The following EEFSEC variants were observed in gnomAD, a reference collection of about 807,000 sequenced individuals.
EEFSEC encodes the protein eukaryotic elongation factor, selenocysteine-tRNA specific.
In EEFSEC, 43 loss-of-function variants were observed where a neutral mutation model predicts 42.1. The observed-to-expected ratio is 1.02, with a 90% CI of 0.80 to 1.32. The LOEUF is 1.32. Ranked by LOEUF, EEFSEC falls within the 40% of genes most tolerant of loss-of-function variation. EEFSEC has a pLI of 0.00. For synonymous variants in EEFSEC, 354 were observed against 339.1 expected (o/e 1.04, Z -0.48); for missense variants, 745 against 803.6 (o/e 0.93, Z 0.88).
chr3:128,384,544 C>G (rs2067814950), intron 6 of EEFSEC, among the ~76,000 whole-genome samples: 1 of 152,198 alleles, frequency 6.6e-6, no homozygotes, highest in South Asian at 2.1e-4. Flanking sequence ...AGGCGGGCAC[C>G]CGTCTCTCCC....
intron 6 of EEFSEC, among the ~76,000 whole-genome samples, chr3:128,383,719 C>T (rs1434598339): frequency 6.6e-6 from 1 of 152,222 alleles, no homozygotes; most frequent in Non-Finnish European, 1.5e-5. Flanking sequence ...GGCCCTGAGT[C>T]AGAGGTGCTG....
At chr3:128,262,312 AG>A in intron 3 of EEFSEC, 88 bp downstream of exon 3, 1 of 1,226,484 alleles carries the variant, frequency 8.2e-7, no homozygotes, top group South Asian at 1.3e-5. Flanking sequence ...TGAGAGAGAA[AG>A]AGAGGCAGCC....
chr3:128,175,117 C>T, intron 1 of EEFSEC, among the ~76,000 whole-genome samples: 1 of 151,794 alleles, frequency 6.6e-6, no homozygotes, highest in East Asian at 1.9e-4. Context: ...CTCTACTCCT[C>T]CTCCCTTCTC....
At chr3:128,207,652 A>G (rs1467473764) in intron 1 of EEFSEC, among the ~76,000 whole-genome samples, 1 of 151,720 alleles carries the variant, frequency 6.6e-6, no homozygotes, top group African/African-American at 2.4e-5. Context: ...TTTTGACTTA[A>G]TGTTTTTGTT....
rs114582287 is a variant in EEFSEC, at chr3:128,301,380, A to G, written c.786+36599A>G. Among the ~76,000 whole-genome samples, 851 of 152,266 alleles carry G rather than the reference A, an allele frequency of 5.6e-3. 10 individuals carry two copies. The highest frequency in any genetic ancestry group is 0.019 in the African/African-American group (776 of 41,536). On this transcript the variant is annotated intron_variant, in intron 4 of 6. Transcript: ENST00000254730. ...CTCACTTCCCCTGTGAAGCCTGATC[A>G]TGCCTAGGCTGTGAACCTCTCCTGG...
At chr3:128,397,412 C>T (rs1435121171) in intron 6 of EEFSEC, among the ~76,000 whole-genome samples, 1 of 152,224 alleles carries the variant, frequency 6.6e-6, no homozygotes, top group Non-Finnish European at 1.5e-5. Context: ...GTAGGATGTC[C>T]TGAGGCTGGA....
chr3:128,191,022 C>A (rs1368071654), intron 1 of EEFSEC, among the ~76,000 whole-genome samples: 2 of 152,130 alleles, frequency 1.3e-5, no homozygotes, highest in East Asian at 3.9e-4. Flanking sequence ...TTTCACACAA[C>A]CTAGGTGTGT....
the EEFSEC span, among the ~76,000 whole-genome samples, chr3:128,418,070 C>G: frequency 2.0e-5 from 3 of 152,086 alleles, no homozygotes; most frequent in Non-Finnish European, 4.4e-5. Flanking sequence ...ATTCTGGACT[C>G]TAGGATGTGG....
chr3:128,288,376 T>C (rs2066608420), intron 4 of EEFSEC, among the ~76,000 whole-genome samples: 1 of 152,178 alleles, frequency 6.6e-6, no homozygotes, highest in Non-Finnish European at 1.5e-5. Context: ...ATAAAGAATA[T>C]ATAAATCCAC....
chr3:128,261,391 T>C (rs2066294961), intron 2 of EEFSEC, among the ~76,000 whole-genome samples: 1 of 152,206 alleles, frequency 6.6e-6, no homozygotes, highest in Non-Finnish European at 1.5e-5. Flanking sequence ...AGAAAGTTCT[T>C]TGTGATATAA....
intron 4 of EEFSEC, among the ~76,000 whole-genome samples, chr3:128,273,395 C>A (rs1227351461): frequency 6.7e-6 from 1 of 150,318 alleles, no homozygotes; most frequent in Non-Finnish European, 1.5e-5. Flanking sequence ...TCTGCAGGTG[C>A]TGTTGTCAGA....
In EEFSEC at chr3:128,264,656, T is replaced by C. The variant is rs2066333532; in HGVS notation, c.661T>C (p.Ser221Pro). The C allele has an allele frequency of 6.2e-7, 1 of 1,613,930 alleles. No individual in the cohort carries two copies. Among genetic ancestry groups the C allele is most frequent in the Admixed American group, 1.7e-5 (1 of 60,000 alleles). The part of the protein sequence containing the change: ...SQISIPTRDP[S>P]GPFLMSVDHC... ...GATTTCCATCCCAACGAGAGATCCC[T>C]CGGGACCGTTCCTCATGTCTGTGGA... The change falls in exon 4 of 7, where the codon TCG (serine) becomes CCG (proline). Residue 221 changes from serine (S) to proline (P), a missense_variant. Transcript: ENST00000254730.
rs568335908 is a variant in EEFSEC at position 128,226,407 on chromosome 3, G to A, written c.317-20429G>A. On this transcript the variant is annotated intron_variant, in intron 1 of 6. Transcript: ENST00000254730. The stretch of plus-strand genomic sequence containing the variant: ...AGTCATATCTGGTCCAGGGGCCAGC[G>A]GTTGGTGCCTCTGGTCATTCCGTCC... 2.0e-5 allele frequency among the ~76,000 whole-genome samples: 3 copies of A among 152,294 alleles called. No homozygotes were observed. The South Asian group carries it at 6.2e-4, about 32-fold the overall frequency.
chr3:128,421,485 C>T, the EEFSEC span, among the ~76,000 whole-genome samples: 1 of 152,282 alleles, frequency 6.6e-6, no homozygotes, highest in East Asian at 1.9e-4. Flanking sequence ...GCACAGTCTC[C>T]GGGACCTGAC....
chr3:128,331,686 C>T (rs186443019), intron 4 of EEFSEC, among the ~76,000 whole-genome samples: 23 of 152,134 alleles, frequency 1.5e-4, no homozygotes, highest in African/African-American at 5.3e-4. Context: ...GGGGAGACTC[C>T]AGAGACCCCT....
At chr3:128,204,886 A>T (rs1037064371) in intron 1 of EEFSEC, among the ~76,000 whole-genome samples, 16 of 152,158 alleles carry the variant, frequency 1.1e-4, no homozygotes, top group Non-Finnish European at 2.4e-4. Flanking sequence ...TAAAAGACTT[A>T]TTTACCTGGA....
chr3:128,339,439 G>A (rs1448153178), intron 4 of EEFSEC, among the ~76,000 whole-genome samples: 3 of 152,148 alleles, frequency 2.0e-5, no homozygotes, highest in Non-Finnish European at 4.4e-5. Flanking sequence ...TCTGAAATAT[G>A]TTACATATTT....
Position 128,197,859 on chromosome 3 carries a change from C to T in EEFSEC, c.316+44036C>T, listed in dbSNP as rs115886086. On this transcript the variant is annotated intron_variant, in intron 1 of 6. Transcript: ENST00000254730. ...ATTTCTGATGGGAAGGCAGTCCTGT[C>T]GCCAGCCAGTCCTGCCTGCATAGAT... Among the ~76,000 whole-genome samples, 1,163 of 152,248 alleles carry T rather than the reference C, an allele frequency of 7.6e-3. 15 individuals are homozygous for T. Among genetic ancestry groups the T allele is most frequent in the African/African-American group, 0.027 (1,103 of 41,524 alleles).
At chr3:128,338,161 C>T (rs1049040731) in intron 4 of EEFSEC, among the ~76,000 whole-genome samples, 1 of 152,204 alleles carries the variant, frequency 6.6e-6, no homozygotes, top group Admixed American at 6.5e-5. Context: ...AGTTCAGAAA[C>T]TTATACAACA....
Sources: gnomAD v4.1 joint callset for allele counts (sites outside exome capture counted in the v4.1 genomes callset) on GRCh38, gnomAD v4.1.1 for gene constraint, MANE v1.5 for transcripts, NCBI Gene and HGNC (gene_info 2026-07-23, HGNC 2026-07-21) for gene names.